LANCL2: variants seen among roughly 807,000 people sequenced by gnomAD.
LANCL2 encodes LanC like glutathione S-transferase 2, also known as lanC-like protein 2.
LANCL2 carries 33 observed loss-of-function variants against 56.9 expected under a neutral mutation model. The observed-to-expected ratio is 0.58, with a 90% CI of 0.44 to 0.78. The LOEUF (loss-of-function observed/expected upper bound fraction) is 0.78. Among genes scored for constraint, LANCL2 ranks in the 30% least tolerant of loss-of-function variants. The pLI, the probability that LANCL2 is intolerant of heterozygous loss-of-function variation, is 0.00. For synonymous variants in LANCL2, 233 were observed against 228.2 expected (o/e 1.02, Z -0.19); for missense variants, 562 against 580.2 (o/e 0.97, Z 0.32).
At chr7:55,380,689 G>C (rs1790056996) in intron 1 of LANCL2, among the ~76,000 whole-genome samples, 1 of 151,576 alleles carries the variant, frequency 6.6e-6, no homozygotes, top group African/African-American at 2.4e-5. Context: ...GGAGGAGGGA[G>C]GTTCTGTAGA....
rs111406141 is a variant in LANCL2 at position 55,399,889 on chromosome 7, G to A, written c.531-68G>A. On this transcript the variant is annotated intron_variant, in intron 3 of 8. Transcript: ENST00000254770. ...TAATAGGTAATTCCTAAAGCAACAGGGTTAGTGTTTCAGGAAGAAGTACTT... is the reference window on the plus strand; with the variant it reads ...TAATAGGTAATTCCTAAAGCAACAGAGTTAGTGTTTCAGGAAGAAGTACTT... 6.8e-4 allele frequency: 861 copies of A among 1,270,142 alleles called. 6 individuals are homozygous for A. The African/African-American group carries it at 0.011, about 16-fold the overall frequency. 78.7% of individuals were successfully genotyped at this position (1,270,142 alleles called of 1,614,324 possible).
At chr7:55,385,880 C>T (rs956684593) in intron 1 of LANCL2, among the ~76,000 whole-genome samples, 13 of 152,246 alleles carry the variant, frequency 8.5e-5, no homozygotes, top group South Asian at 2.1e-4. Flanking sequence ...GAGACAGGTA[C>T]GCCTTGTGGG....
intron 2 of LANCL2, 88 bp downstream of exon 2, chr7:55,391,998 A>G: frequency 1.2e-6 from 1 of 823,860 alleles, no homozygotes; most frequent in Non-Finnish European, 2.0e-6. Flanking sequence ...CTCTTTTAAA[A>G]TGGTAAAGAT....
chr7:55,413,854 G>A (rs1403566163), intron 6 of LANCL2, among the ~76,000 whole-genome samples: 1 of 152,174 alleles, frequency 6.6e-6, no homozygotes, highest in Admixed American at 6.5e-5. Flanking sequence ...GGAACGAGGA[G>A]GAATATCAGA....
intron 7 of LANCL2, 95 bp from the exon 8 acceptor site, chr7:55,428,280 A>C: frequency 9.0e-7 from 1 of 1,107,254 alleles, no homozygotes; most frequent in Non-Finnish European, 1.4e-6. Context: ...CTGGGGGTCC[A>C]CTTCCCTGAT....
intron 1 of LANCL2, among the ~76,000 whole-genome samples, 170 bp downstream of exon 1, chr7:55,366,399 G>A (rs956230412): frequency 6.6e-6 from 1 of 152,234 alleles, no homozygotes; most frequent in African/African-American, 2.4e-5. Context: ...CTTAGGGTCC[G>A]TGGGCTTCAG....
At chr7:55,381,474 C>T (rs745495070) in intron 1 of LANCL2, among the ~76,000 whole-genome samples, 3 of 152,116 alleles carry the variant, frequency 2.0e-5, no homozygotes, top group African/African-American at 7.2e-5. Context: ...TAGCTAAAGA[C>T]GAAAGATAGA....
chr7:55,428,262 C>T (rs1790687491), intron 7 of LANCL2, 113 bp from the exon 8 acceptor site: 4 of 895,576 alleles, frequency 4.5e-6, no homozygotes, highest in African/African-American at 3.3e-5. Flanking sequence ...ACGCTGAATG[C>T]CCTACAGCTG....
intron 1 of LANCL2, among the ~76,000 whole-genome samples, chr7:55,373,827 A>G (rs539246147): frequency 6.2e-4 from 95 of 152,350 alleles, no homozygotes; most frequent in Middle Eastern, 3.4e-3. Flanking sequence ...GTCAAGAACT[A>G]TGTAATATGC....
At chr7:55,405,322 T>C (rs1326459234) in intron 5 of LANCL2, among the ~76,000 whole-genome samples, 2 of 152,140 alleles carry the variant, frequency 1.3e-5, no homozygotes, top group Non-Finnish European at 2.9e-5. Flanking sequence ...TGCACCCACT[T>C]TGGGGAGGGC....
chr7:55,427,886 G>A (rs781772395), intron 7 of LANCL2, among the ~76,000 whole-genome samples: 2 of 152,238 alleles, frequency 1.3e-5, no homozygotes, highest in African/African-American at 2.4e-5. Context: ...GGCTGGGAAG[G>A]TGGAGAGGCT....
chr7:55,385,768 G>A lies in LANCL2; in HGVS notation c.205-6025G>A, dbSNP rs374992067. 2.2e-4 allele frequency among the ~76,000 whole-genome samples: 33 copies of A among 152,172 alleles called. No individual in the cohort carries two copies. The East Asian group carries it at 2.3e-3, about 11-fold the overall frequency. ...AGGAGACAGGGTTTTGAGATCAACC[G>A]GTCTGACCAAAGTTTATTAGGTGGG... is the stretch of plus-strand genomic sequence containing the variant. On this transcript the variant is annotated intron_variant, in intron 1 of 8. Coordinates refer to ENST00000254770, the MANE Select transcript of LANCL2 (RefSeq NM_018697.4).
intron 7 of LANCL2, chr7:55,428,096 T>C: frequency 2.0e-6 from 1 of 489,522 alleles, no homozygotes. Context: ...AGGAGGAAGG[T>C]GCCAGGGAGA....
chr7:55,421,770 G>GT (rs1309406020), intron 6 of LANCL2, among the ~76,000 whole-genome samples: 1 of 152,148 alleles, frequency 6.6e-6, no homozygotes, highest in East Asian at 1.9e-4. Flanking sequence ...CGCATAAACT[G>GT]TAAGAAACTC....
At chr7:55,376,672 G>A (rs945887132) in intron 1 of LANCL2, among the ~76,000 whole-genome samples, 4 of 152,106 alleles carry the variant, frequency 2.6e-5, no homozygotes, top group African/African-American at 9.7e-5. Context: ...GATTGTCTTC[G>A]GATATCAGTC....
intron 2 of LANCL2, among the ~76,000 whole-genome samples, chr7:55,398,127 G>A (rs1790277426): frequency 6.6e-6 from 1 of 152,148 alleles, no homozygotes; most frequent in African/African-American, 2.4e-5. Context: ...GGATGAGTAG[G>A]AAGTGATGTA....
chr7:55,406,799 G>GA (rs1252692913), intron 5 of LANCL2, among the ~76,000 whole-genome samples: 2 of 152,180 alleles, frequency 1.3e-5, no homozygotes, highest in Admixed American at 6.5e-5. Flanking sequence ...AGAACAACCA[G>GA]AAAAACAACA....
chr7:55,398,512 C>G lies in LANCL2; in HGVS notation c.412C>G (p.Arg138Gly), dbSNP rs760157909. The stretch of plus-strand genomic sequence containing the variant: ...CCTGGATTACGTAAAAAGAACACTT[C>G]GGAATCTGAATGGCCGCAGGGTCAC... ...RSLDYVKRTLRNLNGRRVTFL... is the reference protein window; with the variant it reads ...RSLDYVKRTLGNLNGRRVTFL... The change falls in exon 3 of 9, where the codon CGG (arginine) becomes GGG (glycine). Residue 138 changes from arginine (R) to glycine (G), a missense_variant. Physicochemically the swap from Arg to Gly is moderately radical, Grantham distance 125 (BLOSUM62 -2). Coordinates refer to ENST00000254770, the MANE Select transcript of LANCL2 (RefSeq NM_018697.4). 26 of 1,614,162 alleles carry G rather than the reference C, an allele frequency of 1.6e-5. No homozygotes were observed. Among genetic ancestry groups the G allele is most frequent in the Non-Finnish European group, 2.1e-5 (25 of 1,180,010 alleles).
intron 1 of LANCL2, among the ~76,000 whole-genome samples, chr7:55,380,678 A>C (rs1355847990): frequency 2.0e-5 from 3 of 151,798 alleles, no homozygotes; most frequent in Non-Finnish European, 4.4e-5. Context: ...GAGTAATTGG[A>C]GGAGGAGGGA....
Sources: allele counts gnomAD v4.1 joint callset (sites outside exome capture counted in the v4.1 genomes callset), GRCh38; gene constraint gnomAD v4.1.1; transcripts MANE v1.5; gene names NCBI Gene and HGNC (gene_info 2026-07-23, HGNC 2026-07-21).